The following SLC24A2 variants were observed in gnomAD, a reference collection of about 807,000 sequenced individuals.
SLC24A2 encodes the protein solute carrier family 24 member 2.
In SLC24A2, 36 loss-of-function variants were observed where a neutral mutation model predicts 62.0. The observed-to-expected ratio is 0.58, with a 90% CI of 0.44 to 0.77. SLC24A2 has a LOEUF of 0.77. Among genes scored for constraint, SLC24A2 ranks in the 30% least tolerant of loss-of-function variants. The pLI is 0.00. For missense variants in SLC24A2, 846 were observed against 817.9 expected (o/e 1.03, Z -0.42); for synonymous variants, 358 against 294.0 (o/e 1.22, Z -2.23).
At chr9:19,877,453 T>G in the SLC24A2 span, among the ~76,000 whole-genome samples, 2 of 150,842 alleles carry the variant, frequency 1.3e-5, no homozygotes, top group African/African-American at 4.9e-5. Context: ...CTTTTCTTTG[T>G]GGCAACTTCT....
chr9:20,088,329 G>C, the SLC24A2 span, among the ~76,000 whole-genome samples: 1 of 152,208 alleles, frequency 6.6e-6, no homozygotes, highest in African/African-American at 2.4e-5. Flanking sequence ...TGCCGGCTTT[G>C]CTGTTTTGCA....
At chr9:20,092,066 GA>G in the SLC24A2 span, among the ~76,000 whole-genome samples, 3 of 152,134 alleles carry the variant, frequency 2.0e-5, no homozygotes, top group Non-Finnish European at 4.4e-5. Flanking sequence ...ACAAAGAGGG[GA>G]ACAACAGACC....
the SLC24A2 span, among the ~76,000 whole-genome samples, chr9:19,952,362 T>C: frequency 6.6e-6 from 1 of 152,084 alleles, no homozygotes; most frequent in Non-Finnish European, 1.5e-5. Context: ...TGAGAGTGGA[T>C]ATCCTTCAAT....
intron 2 of SLC24A2, among the ~76,000 whole-genome samples, chr9:19,744,614 T>C (rs753128552): frequency 3.3e-5 from 5 of 152,322 alleles, no homozygotes; most frequent in Non-Finnish European, 5.9e-5. Context: ...CCAAGTTGTA[T>C]GATTTTCCAA....
the SLC24A2 span, among the ~76,000 whole-genome samples, chr9:20,193,805 C>T: frequency 6.6e-6 from 1 of 152,082 alleles, no homozygotes; most frequent in African/African-American, 2.4e-5. Context: ...GACTTATCTA[C>T]AGAAGTCCCA....
At chr9:19,571,006 T>C (rs1184264264) in intron 7 of SLC24A2, among the ~76,000 whole-genome samples, 1 of 152,204 alleles carries the variant, frequency 6.6e-6, no homozygotes, top group Non-Finnish European at 1.5e-5. Flanking sequence ...AGAGGGGTCA[T>C]CTGGGACTCT....
At chr9:19,898,402 C>A in the SLC24A2 span, among the ~76,000 whole-genome samples, 9 of 152,196 alleles carry the variant, frequency 5.9e-5, no homozygotes, top group Non-Finnish European at 1.2e-4. Flanking sequence ...TTTTCTTCAG[C>A]AGTGCAAACT....
intron 8 of SLC24A2, among the ~76,000 whole-genome samples, chr9:19,541,863 G>A (rs984535766): frequency 1.3e-5 from 2 of 151,814 alleles, no homozygotes; most frequent in African/African-American, 2.4e-5. Context: ...GCGAGATTCC[G>A]TGGGCGTAGG....
chr9:19,807,049 G>C, the SLC24A2 span, among the ~76,000 whole-genome samples: 1 of 152,104 alleles, frequency 6.6e-6, no homozygotes. Context: ...GAAAACATAG[G>C]GAGAAATGCT....
At chr9:19,994,280 T>C in the SLC24A2 span, among the ~76,000 whole-genome samples, 9 of 152,154 alleles carry the variant, frequency 5.9e-5, no homozygotes, top group South Asian at 2.1e-4. Flanking sequence ...ACTGTGACCA[T>C]TGGCAAAAAA....
the SLC24A2 span, among the ~76,000 whole-genome samples, chr9:20,302,312 C>T: frequency 6.6e-6 from 1 of 152,282 alleles, no homozygotes; most frequent in South Asian, 2.1e-4. Flanking sequence ...AAACCGTCTT[C>T]CCAAATGGCC....
intron 8 of SLC24A2, among the ~76,000 whole-genome samples, chr9:19,540,714 G>C (rs905249087): frequency 2.0e-4 from 29 of 145,466 alleles, no homozygotes; most frequent in Non-Finnish European, 3.6e-4. Flanking sequence ...GAGTATCTTT[G>C]TGGCATTCTC....
At chr9:19,937,463 G>A in the SLC24A2 span, among the ~76,000 whole-genome samples, 1 of 152,202 alleles carries the variant, frequency 6.6e-6, no homozygotes, top group African/African-American at 2.4e-5. Flanking sequence ...GCTTGATATA[G>A]GGATAGATTT....
chr9:20,158,416 T>C, the SLC24A2 span, among the ~76,000 whole-genome samples: 2 of 151,634 alleles, frequency 1.3e-5, no homozygotes, highest in Non-Finnish European at 3.0e-5. Context: ...AGTGCTTTTA[T>C]AAAAGGGCTT....
At chr9:19,842,838 T>C in the SLC24A2 span, among the ~76,000 whole-genome samples, 1 of 152,226 alleles carries the variant, frequency 6.6e-6, no homozygotes, top group Admixed American at 6.5e-5. Context: ...ACAGCTCAGA[T>C]CACTAAGCTT....
chr9:19,708,399 A>C lies in SLC24A2; in HGVS notation c.930+77538T>G, dbSNP rs1820601919. 1.3e-5 allele frequency among the ~76,000 whole-genome samples: 2 copies of C among 152,192 alleles called. 1 individual carries two copies. Among genetic ancestry groups the C allele is most frequent in the African/African-American group, 4.8e-5 (2 of 41,444 alleles). ...ATGACTTTCTTCACAGAATTGGAAA[A>C]AACTACTTTAAAGTTCATATGGAAC... On this transcript the variant is annotated intron_variant, in intron 2 of 10. Coordinates refer to ENST00000341998, the MANE Select transcript of SLC24A2 (RefSeq NM_020344.4).
chr9:19,979,617 G>A, the SLC24A2 span, among the ~76,000 whole-genome samples: 1 of 151,880 alleles, frequency 6.6e-6, no homozygotes, highest in Non-Finnish European at 1.5e-5. Flanking sequence ...CTCTAGCATC[G>A]ATCTCTACAA....
the SLC24A2 span, among the ~76,000 whole-genome samples, chr9:20,288,852 G>C: frequency 6.6e-6 from 1 of 151,958 alleles, no homozygotes; most frequent in East Asian, 1.9e-4. Flanking sequence ...CTCATCCTCA[G>C]TACAGTTCAG....
At chr9:20,082,861 A>G in the SLC24A2 span, among the ~76,000 whole-genome samples, 1 of 152,240 alleles carries the variant, frequency 6.6e-6, no homozygotes, top group Non-Finnish European at 1.5e-5. Flanking sequence ...AAGACCTGGA[A>G]GCACTCCATT....
Sources: gnomAD v4.1 joint callset for allele counts (sites outside exome capture counted in the v4.1 genomes callset) on GRCh38, gnomAD v4.1.1 for gene constraint, MANE v1.5 for transcripts, NCBI Gene and HGNC (gene_info 2026-07-23, HGNC 2026-07-21) for gene names.